Variants in COPE observed in about 807,000 individuals in gnomAD.
The protein encoded by COPE is coatomer subunit epsilon.
Under a neutral mutation model 42.1 loss-of-function variants are expected in COPE, and 19 were observed. The observed-to-expected ratio is 0.45, with a 90% CI of 0.31 to 0.66. The LOEUF (loss-of-function observed/expected upper bound fraction) is 0.66, where lower values mean the gene tolerates loss of function less well. Ranked by LOEUF, COPE falls within the 30% of genes least tolerant of loss-of-function variation. COPE has a pLI of 0.05. For synonymous variants in COPE, 195 were observed against 181.3 expected (o/e 1.08, Z -0.60); for missense variants, 402 against 416.1 (o/e 0.97, Z 0.30).
chr19:18,900,048 CA>C, intron 8 of COPE, 101 bp from the exon 9 acceptor site: 1 of 984,364 alleles, frequency 1.0e-6, no homozygotes, highest in South Asian at 1.6e-5. Context: ...CACAGTACCC[CA>C]GGGGGCTCCT....
chr19:18,909,396 G>T (rs2056790318), intron 3 of COPE, among the ~76,000 whole-genome samples: 1 of 152,236 alleles, frequency 6.6e-6, no homozygotes, highest in South Asian at 2.1e-4. Flanking sequence ...AGGCTGGAGG[G>T]CAAGGCCGTC....
chr19:18,913,414 G>C (rs577819561), intron 1 of COPE, among the ~76,000 whole-genome samples: 21 of 152,338 alleles, frequency 1.4e-4, no homozygotes, highest in African/African-American at 4.6e-4. Context: ...AGCTCAGTTT[G>C]GCTGCCCCAG....
intron 1 of COPE, among the ~76,000 whole-genome samples, chr19:18,917,771 A>C (rs1307362916): frequency 6.6e-6 from 1 of 152,128 alleles, no homozygotes; most frequent in Non-Finnish European, 1.5e-5. Flanking sequence ...TAACTGCCAA[A>C]CTTCACCTTC....
chr19:18,902,771 A>AGG (rs2056717168), intron 7 of COPE, among the ~76,000 whole-genome samples: 1 of 28,616 alleles, frequency 3.5e-5, no homozygotes, highest in East Asian at 3.8e-4. Context: ...AAGGAAGGGA[A>AGG]AGAAGGAAGG....
chr19:18,902,131 G>C (rs940419317), intron 7 of COPE, among the ~76,000 whole-genome samples: 2 of 135,674 alleles, frequency 1.5e-5, no homozygotes, highest in African/African-American at 5.7e-5. Flanking sequence ...AGTGAGCCGA[G>C]ATCACACCAC....
chr19:18,916,346 C>T (rs986426919), intron 1 of COPE, among the ~76,000 whole-genome samples: 12 of 150,186 alleles, frequency 8.0e-5, no homozygotes, highest in Non-Finnish European at 1.8e-4. Flanking sequence ...GAGTTAGACT[C>T]TGTCTCAAAA....
At position 18,903,442 on chromosome 19, in the gene COPE, A is replaced by G. The variant is rs1268359675; in HGVS notation, c.580-19T>C. The G allele has an allele frequency of 3.1e-6, 5 of 1,588,862 alleles. No individual in the cohort carries two copies. Among genetic ancestry groups the G allele is most frequent in the Non-Finnish European group, 3.4e-6 (4 of 1,165,380 alleles). On this transcript the variant is annotated intron_variant, in intron 6 of 9. Transcript: ENST00000262812. The stretch of plus-strand genomic sequence containing the variant: ...CACCACCCTGCAGGGAGGGTCCCGC[A>G]TCATTGCCTGTGCCCCTGCTGCCCG...
At chr19:18,907,230 G>GAGC (rs1200947295) in intron 3 of COPE, 118 bp from the exon 4 acceptor site, 14 of 1,093,940 alleles carry the variant, frequency 1.3e-5, no homozygotes, top group Non-Finnish European at 5.1e-6. Flanking sequence ...TGGGGGTGCA[G>GAGC]AGCAGCAGCA....
At chr19:18,917,408 C>G (rs2056864019) in intron 1 of COPE, among the ~76,000 whole-genome samples, 1 of 151,526 alleles carries the variant, frequency 6.6e-6, no homozygotes, top group Non-Finnish European at 1.5e-5. Flanking sequence ...CGCTCTTGTT[C>G]CCCAGGCTTG....
intron 7 of COPE, among the ~76,000 whole-genome samples, chr19:18,901,382 C>T (rs2056697281): frequency 6.6e-6 from 1 of 152,224 alleles, no homozygotes; most frequent in Non-Finnish European, 1.5e-5. Flanking sequence ...AGGAGGGCGC[C>T]AGTCTTGCCC....
At chr19:18,911,745 G>A (rs1001201204) in intron 2 of COPE, among the ~76,000 whole-genome samples, 2 of 151,592 alleles carry the variant, frequency 1.3e-5, no homozygotes, top group Non-Finnish European at 2.9e-5. Flanking sequence ...GTAGAGACGG[G>A]GTTTCACTGT....
At chr19:18,917,046 G>A (rs1191594647) in intron 1 of COPE, among the ~76,000 whole-genome samples, 1 of 151,324 alleles carries the variant, frequency 6.6e-6, no homozygotes, top group Non-Finnish European at 1.5e-5. Flanking sequence ...TCCTTCCAAA[G>A]GCTCTAGGGG....
At position 18,903,309 on chromosome 19, in the gene COPE, A is replaced by G; in HGVS notation, c.694T>C (p.Trp232Arg). ...QAACHMAQGR[W>R]EAAEGLLQEA... ...TGCAGCAGGCCCTCAGCGGCCTCCC[A>G]GCGGCCCTGGGCCATGTGGCAGGCC... Residue 232 changes from tryptophan to arginine, a missense_variant, in exon 7 of 10, where the codon TGG becomes CGG. By Grantham distance (101) the Trp-to-Arg change is moderately radical. Coordinates refer to ENST00000262812, the MANE Select transcript of COPE (RefSeq NM_007263.4). 2 of 1,609,860 alleles carry G rather than the reference A, an allele frequency of 1.2e-6. No individual in the cohort carries two copies. The highest frequency in any genetic ancestry group is 1.7e-6 in the Non-Finnish European group (2 of 1,178,226).
Position 18,907,053 on chromosome 19 carries a change from G to A in COPE, c.350C>T (p.Thr117Ile), listed in dbSNP as rs10330. Reference sequence around the variant, plus strand: ...GGAGGCGGCCATGAGCAGGAAGGTGGTGTTGGTCACGTCCACGCTCCTGCT... The same window carrying A: ...GGAGGCGGCCATGAGCAGGAAGGTGATGTTGGTCACGTCCACGCTCCTGCT... Reference protein sequence around the residue: ...EMSRSVDVTNTTFLLMAASIY... With the variant: ...EMSRSVDVTNITFLLMAASIY... Residue 117 changes from threonine to isoleucine, a missense_variant, in exon 4 of 10, where the codon ACC becomes ATC. Physicochemically the swap from Thr to Ile is moderately conservative, Grantham distance 89. Coordinates refer to ENST00000262812, the MANE Select transcript of COPE (RefSeq NM_007263.4). 0.14 allele frequency: 218,960 copies of A among 1,607,700 alleles called. 17,304 individuals carry two copies. The highest frequency in any genetic ancestry group is 0.36 in the African/African-American group (26,835 of 74,882).
At chr19:18,900,471 G>C (rs1046925589) in intron 7 of COPE, 22 bp from the exon 8 acceptor site, 1 of 1,541,780 alleles carries the variant, frequency 6.5e-7, no homozygotes, top group African/African-American at 1.4e-5. Flanking sequence ...GGCAGACACG[G>C]GGAGGCAGGG....
At chr19:18,905,879 G>C in intron 4 of COPE, 1 of 548,454 alleles carries the variant, frequency 1.8e-6, no homozygotes, top group East Asian at 3.3e-5. Flanking sequence ...CCCATCTGGA[G>C]AAGCAGCCTC....
intron 2 of COPE, among the ~76,000 whole-genome samples, chr19:18,912,536 A>T (rs368872500): frequency 3.4e-4 from 52 of 151,914 alleles, no homozygotes; most frequent in African/African-American, 1.1e-3. Context: ...AGGCAGGTGG[A>T]TCATGAAGTC....
intron 3 of COPE, among the ~76,000 whole-genome samples, chr19:18,908,718 C>T (rs553648553): frequency 1.3e-5 from 2 of 151,666 alleles, no homozygotes; most frequent in South Asian, 2.1e-4. Context: ...TGGGGTTTCA[C>T]GTGTTAGCCA....
Position 18,903,251 on chromosome 19 carries a change from G to T in COPE, c.735+17C>A. ...GGCCTTCCCTCCGTCCCCACTCTGG[G>T]ACAGGCTTGTGCCTACCTTGTCTAG... On this transcript the variant is annotated intron_variant, in intron 7 of 9. Transcript: ENST00000262812. 2 of 1,558,636 alleles carry T rather than the reference G, an allele frequency of 1.3e-6. No individual in the cohort carries two copies. The highest frequency in any genetic ancestry group is 1.2e-5 in the South Asian group (1 of 84,200).
Sources: allele counts gnomAD v4.1 joint callset (sites outside exome capture counted in the v4.1 genomes callset), GRCh38; gene constraint gnomAD v4.1.1; transcripts MANE v1.5; gene names NCBI Gene and HGNC (gene_info 2026-07-23, HGNC 2026-07-21).